Variants in ABI3BP observed in about 807,000 individuals in gnomAD.
The protein encoded by ABI3BP is ABI family member 3 binding protein.
In ABI3BP, 216 loss-of-function variants were observed where a neutral mutation model predicts 268.6. The ratio of observed to expected loss-of-function variants is 0.80; its 90% CI spans 0.72 to 0.90. ABI3BP has a LOEUF of 0.90. Ranked by LOEUF, ABI3BP falls within the 40% of genes least tolerant of loss-of-function variation. The pLI is 0.00. For synonymous variants in ABI3BP, 730 were observed against 730.0 expected (o/e 1.00, Z 0.00); for missense variants, 2,090 against 2,182.4 (o/e 0.96, Z 0.84).
chr3:100,987,387 G>A (rs1576485960), intron 1 of ABI3BP, among the ~76,000 whole-genome samples: 1 of 152,092 alleles, frequency 6.6e-6, no homozygotes, highest in Non-Finnish European at 1.5e-5. Context: ...TTTCTTGAAG[G>A]GAGACAGGGG....
In ABI3BP at chr3:100,848,749, G is replaced by A. The variant is rs2098805012; in HGVS notation, c.1576+52C>T. Reference sequence around the variant, plus strand: ...GCTATCCTTCTTACTATAAGAAAATGGACATTGTCTATCTGGAATTACATA... The same window carrying A: ...GCTATCCTTCTTACTATAAGAAAATAGACATTGTCTATCTGGAATTACATA... On this transcript the variant is annotated intron_variant, in intron 18 of 67. Transcript: ENST00000471714. 5.2e-6 allele frequency: 8 copies of A among 1,551,972 alleles called. No homozygotes were observed. The South Asian group carries it at 7.8e-5, about 15-fold the overall frequency.
chr3:100,912,304 A>T (rs1351448597), intron 2 of ABI3BP: 1 of 143,894 alleles, frequency 6.9e-6, no homozygotes, highest in South Asian at 2.2e-4. Flanking sequence ...AAAAAAAAAA[A>T]CAGACAACAT....
chr3:100,838,499 TCATGGCTGTG>T, intron 24 of ABI3BP, 35 bp from the exon 25 acceptor site: 1 of 1,483,968 alleles, frequency 6.7e-7, no homozygotes, highest in Non-Finnish European at 9.1e-7. Context: ...CCACAATGGG[TCATGGCTGTG>T]ACTGTCAAAA....
intron 33 of ABI3BP, among the ~76,000 whole-genome samples, chr3:100,828,913 A>C (rs1254163201): frequency 2.0e-5 from 3 of 152,044 alleles, no homozygotes; most frequent in African/African-American, 7.2e-5. Flanking sequence ...GATGATTCCT[A>C]CCTAAAATCC....
chr3:100,962,208 T>C (rs2079389623), intron 1 of ABI3BP, among the ~76,000 whole-genome samples: 1 of 152,150 alleles, frequency 6.6e-6, no homozygotes, highest in African/African-American at 2.4e-5. Context: ...AAAATTGAAG[T>C]CACTGGACAG....
intron 1 of ABI3BP, among the ~76,000 whole-genome samples, chr3:100,935,614 G>C (rs1439669530): frequency 6.6e-6 from 1 of 151,460 alleles, no homozygotes; most frequent in Non-Finnish European, 1.5e-5. Context: ...CCATGAGCAC[G>C]GAATGTTTTT....
chr3:100,827,629 A>G (rs1401440077), intron 34 of ABI3BP, among the ~76,000 whole-genome samples: 1 of 152,180 alleles, frequency 6.6e-6, no homozygotes, highest in African/African-American at 2.4e-5. Flanking sequence ...TTCAGAAAAT[A>G]TATCTTTCTA....
chr3:100,851,594 T>G (rs2098839841), intron 15 of ABI3BP, among the ~76,000 whole-genome samples: 1 of 152,262 alleles, frequency 6.6e-6, no homozygotes, highest in African/African-American at 2.4e-5. Flanking sequence ...GACCTTTTTA[T>G]GATTCTGAAC....
chr3:100,845,746 A>C (rs2098758846), intron 20 of ABI3BP, among the ~76,000 whole-genome samples: 1 of 151,882 alleles, frequency 6.6e-6, no homozygotes, highest in African/African-American at 2.4e-5. Context: ...GATAAAAAAA[A>C]CTCCAAGATG....
In ABI3BP at chr3:100,753,836, ACT is replaced by A. The variant is rs1309516407; in HGVS notation, c.4941_4942del (p.Arg1647SerfsTer3). 6.2e-7 allele frequency: 1 copy of A among 1,610,656 alleles called. No homozygotes were observed. Among genetic ancestry groups the A allele is most frequent in the Non-Finnish European group, 8.5e-7 (1 of 1,178,674 alleles). On this transcript the variant is annotated frameshift_variant, in exon 65 of 68. Transcript: ENST00000471714. LOFTEE classifies it high-confidence loss of function. ...GTACTTACCAGAAACTGGCTCACTC[ACT>A]CTTGGGTCCGCTGAGGAGAAATAAA...
chr3:100,897,250 G>T (rs936737998), intron 4 of ABI3BP, among the ~76,000 whole-genome samples: 1 of 152,082 alleles, frequency 6.6e-6, no homozygotes, highest in Non-Finnish European at 1.5e-5. Context: ...TTGCTTGTGG[G>T]AATGTAGATG....
chr3:100,970,873 G>A (rs1010743688), intron 1 of ABI3BP, among the ~76,000 whole-genome samples: 14 of 152,166 alleles, frequency 9.2e-5, no homozygotes, highest in Non-Finnish European at 1.8e-4. Flanking sequence ...CTTCATCTCA[G>A]TATCCAAATG....
intron 17 of ABI3BP, among the ~76,000 whole-genome samples, chr3:100,849,599 T>G (rs1458287193): frequency 6.6e-6 from 1 of 152,164 alleles, no homozygotes; most frequent in Non-Finnish European, 1.5e-5. Flanking sequence ...AATTTTCTGT[T>G]ATAAAATGTA....
intron 9 of ABI3BP, among the ~76,000 whole-genome samples, chr3:100,874,156 G>C (rs756104220): frequency 2.0e-5 from 3 of 151,980 alleles, no homozygotes; most frequent in Non-Finnish European, 4.4e-5. Flanking sequence ...CCCCATACCG[G>C]ACCTACTGAA....
intron 62 of ABI3BP, among the ~76,000 whole-genome samples, chr3:100,770,043 C>T (rs560646700): frequency 6.6e-6 from 1 of 152,332 alleles, no homozygotes; most frequent in Admixed American, 6.5e-5. Flanking sequence ...CCTCTATTCC[C>T]TGCCTGCCTG....
Position 100,948,430 on chromosome 3 carries a change from G to A in ABI3BP, c.80-21949C>T, listed in dbSNP as rs1193158441. ...CTAGATTATAGTTTAAATGGAATTC[G>A]ATCCATACAAGTCCTTACTGCAAAC... On this transcript the variant is annotated intron_variant, in intron 1 of 67. Transcript: ENST00000471714. Among the ~76,000 whole-genome samples, 13 of 152,250 alleles carry A rather than the reference G, an allele frequency of 8.5e-5. 1 individual carries two copies. The South Asian group carries it at 2.3e-3, about 27-fold the overall frequency.
chr3:100,749,376 G>C lies in ABI3BP; in HGVS notation c.*1119C>G, dbSNP rs2095198188. The C allele has an allele frequency of 3.5e-6, 1 of 288,234 alleles. No individual in the cohort carries two copies. The highest frequency in any genetic ancestry group is 2.5e-5 in the African/African-American group (1 of 39,838). 17.9% of individuals were successfully genotyped at this position (288,234 alleles called of 1,614,324 possible). A position where few individuals can be genotyped will look rare whatever the true frequency, so the allele number is the denominator to read the frequency against. On this transcript the variant is annotated 3_prime_UTR_variant, in exon 68 of 68. Coordinates refer to ENST00000471714, the MANE Select transcript of ABI3BP (RefSeq NM_001375547.2). ...TCTCTTTATTGCAGAATTTATACTT[G>C]TTTGAAAAATACAAAATGTAGCGTT...
At chr3:100,763,339 C>T (rs887132450) in intron 63 of ABI3BP, among the ~76,000 whole-genome samples, 37 of 151,456 alleles carry the variant, frequency 2.4e-4, no homozygotes, top group African/African-American at 5.8e-4. Context: ...GGTAGGTGCC[C>T]GTAATCCCAG....
chr3:100,969,292 A>G (rs1178064132), intron 1 of ABI3BP, among the ~76,000 whole-genome samples: 1 of 152,206 alleles, frequency 6.6e-6, no homozygotes, highest in Non-Finnish European at 1.5e-5. Flanking sequence ...CTTCATTTTA[A>G]AGCTGAGGCC....
Sources: gnomAD v4.1 joint callset for allele counts (sites outside exome capture counted in the v4.1 genomes callset) on GRCh38, gnomAD v4.1.1 for gene constraint, MANE v1.5 for transcripts, NCBI Gene and HGNC (gene_info 2026-07-23, HGNC 2026-07-21) for gene names.